IL17RC: variants seen among roughly 807,000 people sequenced by gnomAD.
IL17RC encodes interleukin-17 receptor C.
A neutral mutation model predicts 86.7 loss-of-function variants in IL17RC; 53 were observed. The ratio of observed to expected loss-of-function variants is 0.61; its 90% CI spans 0.49 to 0.77. The LOEUF (loss-of-function observed/expected upper bound fraction) is 0.77, where lower values mean the gene tolerates loss of function less well. Ranked by LOEUF, IL17RC falls within the 30% of genes least tolerant of loss-of-function variation. IL17RC has a pLI of 0.00. For missense variants in IL17RC, 957 were observed against 940.0 expected (o/e 1.02, Z -0.24); for synonymous variants, 439 against 413.1 (o/e 1.06, Z -0.76).
rs2125320333 is a variant in IL17RC at position 9,933,353 on chromosome 3, C to G, written c.1923C>G (p.Asp641Glu). Residue 641 changes from aspartate to glutamate, a missense_variant, in exon 19 of 19, where the codon GAC becomes GAG. By Grantham distance (45) the Asp-to-Glu change is conservative. Coordinates refer to ENST00000403601, the MANE Select transcript of IL17RC (RefSeq NM_153460.4). ...GCTTCGACAGGCTGCTCCACCCGGA[C>G]GCCGTACCCGCCCTTTTCCGCACCG... is the stretch of plus-strand genomic sequence containing the variant. ...GACFDRLLHPDAVPALFRTVP... is the reference protein window; with the variant it reads ...GACFDRLLHPEAVPALFRTVP... 2 of 1,611,276 alleles carry G rather than the reference C, an allele frequency of 1.2e-6. No homozygotes were observed. The highest frequency in any genetic ancestry group is 4.5e-5 in the East Asian group (2 of 44,786).
At position 9,928,429 on chromosome 3, in the gene IL17RC, T is replaced by C. The variant is rs747646937; in HGVS notation, c.1002T>C (p.Gly334=). The C allele has an allele frequency of 8.7e-6, 14 of 1,605,050 alleles. No individual in the cohort carries two copies. The highest frequency in any genetic ancestry group is 1.2e-5 in the Non-Finnish European group (14 of 1,178,564). ...AEAALCWRAP[G]GDPCQPLVPP... ...CGGCACTGTGCTGGCGGGCTCCGGGTGGGGACCCCTGCCAGCCACTGGTCC... is the reference window on the plus strand; with the variant it reads ...CGGCACTGTGCTGGCGGGCTCCGGGCGGGGACCCCTGCCAGCCACTGGTCC... Residue 334 remains glycine, a synonymous_variant, in exon 11 of 19, where the codon GGT becomes GGC. Coordinates refer to ENST00000403601, the MANE Select transcript of IL17RC (RefSeq NM_153460.4).
In IL17RC at chr3:9,918,020, GA is replaced by G. The variant is rs2083248205; in HGVS notation, c.227del (p.Lys76ArgfsTer92). 1.2e-6 allele frequency: 2 copies of G among 1,612,132 alleles called. No individual in the cohort carries two copies. The highest frequency in any genetic ancestry group is 1.7e-6 in the Non-Finnish European group (2 of 1,179,068). On this transcript the variant is annotated frameshift_variant, in exon 3 of 19. Transcript: ENST00000403601. LOFTEE classifies it high-confidence loss of function. ...AGACAGAGCTGGTGCTGAGGTGCCA[GA>G]AGGAGACCGACTGTGACCTCTGTCT... The part of the protein sequence containing the change: ...LQTELVLRCQ[K>X]ETDCDLCLRV...
At chr3:9,918,271 C>G in intron 3 of IL17RC, 64 bp from the exon 4 acceptor site, 3 of 1,471,204 alleles carry the variant, frequency 2.0e-6, no homozygotes, top group Non-Finnish European at 2.8e-6. Flanking sequence ...AGGAAGCCAA[C>G]GCCAAAGCCA....
chr3:9,928,059 CAAGT>C, intron 9 of IL17RC, 103 bp from the exon 10 acceptor site: 1 of 1,046,684 alleles, frequency 9.6e-7, no homozygotes, highest in Non-Finnish European at 1.5e-6. Context: ...GAAGACCCAG[CAAGT>C]GTTTGTGAAA....
chr3:9,924,186 C>T, intron 8 of IL17RC, 46 bp from the exon 9 acceptor site: 1 of 1,612,812 alleles, frequency 6.2e-7, no homozygotes, highest in Non-Finnish European at 8.5e-7. Flanking sequence ...GCCTCCTCCT[C>T]TTCCTCCTTA....
At chr3:9,925,053 T>C (rs1218256806) in intron 9 of IL17RC, among the ~76,000 whole-genome samples, 5 of 151,212 alleles carry the variant, frequency 3.3e-5, no homozygotes, top group Non-Finnish European at 7.4e-5. Flanking sequence ...TCCTCCCACC[T>C]CAGCCTCCCA....
rs1271174008 is a variant in IL17RC, at chr3:9,926,053, T to A, written c.822+1762T>A. Among the ~76,000 whole-genome samples the A allele has an allele frequency of 4.5e-5, 4 of 88,190 alleles. No homozygotes were observed. The South Asian group carries it at 1.1e-3, about 24-fold the overall frequency. The allele number at this position is 88,190 out of a possible 152,430, so 57.9% of individuals were successfully genotyped here. Reference sequence around the variant, plus strand: ...TTCCTTTTTTTTTTTTTTTTTTTTTTAATGGAGTTTCACTCTTTTGCCCAG... The same window carrying A: ...TTCCTTTTTTTTTTTTTTTTTTTTTAAATGGAGTTTCACTCTTTTGCCCAG... On this transcript the variant is annotated intron_variant, in intron 9 of 18. Coordinates refer to ENST00000403601, the MANE Select transcript of IL17RC (RefSeq NM_153460.4).
Position 9,931,815 on chromosome 3 carries a change from T to C in IL17RC, c.1388-793T>C, listed in dbSNP as rs1457073437. 2.6e-5 allele frequency among the ~76,000 whole-genome samples: 4 copies of C among 151,378 alleles called. No individual in the cohort carries two copies. The East Asian group carries it at 7.8e-4, about 29-fold the overall frequency. On this transcript the variant is annotated intron_variant, in intron 16 of 18. Transcript: ENST00000403601. The stretch of plus-strand genomic sequence containing the variant: ...TCACCGCACCTGGCCCAAATTTATA[T>C]TTTTAAAAGATCTCTGAGGCTGTCA...
chr3:9,930,268 A>G lies in IL17RC; in HGVS notation c.1278+119A>G. The G allele has an allele frequency of 1.3e-6, 2 of 1,534,916 alleles. No homozygotes were observed. Among genetic ancestry groups the G allele is most frequent in the East Asian group, 2.3e-5 (1 of 44,288 alleles). ...GGGAACATGGGGGGTGACTCAGACC[A>G]GGGCCATATTCAGCGGCATCACCAA... On this transcript the variant is annotated intron_variant, in intron 14 of 18. Coordinates refer to ENST00000403601, the MANE Select transcript of IL17RC (RefSeq NM_153460.4). This position sits in a 1 kb window ranked among gnomAD's most constrained non-coding sequence, Gnocchi z 5.8.
chr3:9,932,718 G>GC lies in IL17RC; in HGVS notation c.1483+16dup. 1 of 1,613,928 alleles carries GC rather than the reference G, an allele frequency of 6.2e-7. No individual in the cohort carries two copies. Among genetic ancestry groups the GC allele is most frequent in the South Asian group, 1.1e-5 (1 of 91,078 alleles). On this transcript the variant is annotated intron_variant, in intron 17 of 18. Transcript: ENST00000403601. The stretch of plus-strand genomic sequence containing the variant: ...TCACGCGAAAGGTGAGCGCTTCCCG[G>GC]CTCCCCATTCCCCTGGGGGAGGACC...
At position 9,933,397 on chromosome 3, in the gene IL17RC, C is replaced by A. The variant is rs1322652863; in HGVS notation, c.1967C>A (p.Pro656His). ...CGCACCGTGCCCGTCTTCACACTGCCCTCCCAACTGCCAGACTTCCTGGGG... is the reference window on the plus strand; with the variant it reads ...CGCACCGTGCCCGTCTTCACACTGCACTCCCAACTGCCAGACTTCCTGGGG... Reference protein sequence around the residue: ...LFRTVPVFTLPSQLPDFLGAL... With the variant: ...LFRTVPVFTLHSQLPDFLGAL... Residue 656 changes from proline (P) to histidine (H), a missense_variant, in exon 19 of 19, where the codon CCC (proline) becomes CAC (histidine). Pro to His is a moderately conservative substitution (Grantham distance 77). Transcript: ENST00000403601. The A allele has an allele frequency of 6.2e-7, 1 of 1,613,266 alleles. No homozygotes were observed. The highest frequency in any genetic ancestry group is 1.7e-5 in the Admixed American group (1 of 59,994).
intron 7 of IL17RC, among the ~76,000 whole-genome samples, chr3:9,922,350 A>C (rs1365525026): frequency 6.6e-6 from 1 of 152,228 alleles, no homozygotes; most frequent in Non-Finnish European, 1.5e-5. Flanking sequence ...CTGAACTACT[A>C]AATGTTTTCA....
chr3:9,923,774 C>T (rs116560148), intron 7 of IL17RC, 107 bp from the exon 8 acceptor site: 44,594 of 1,280,940 alleles, frequency 0.035, 948 homozygotes, highest in South Asian at 0.065. Flanking sequence ...CTCTGCCCTC[C>T]GAGAGCCTCC....
At chr3:9,931,453 T>TCACACACACACACA (rs201407577) in intron 16 of IL17RC, among the ~76,000 whole-genome samples, 66 of 44,910 alleles carry the variant, frequency 1.5e-3, no homozygotes, top group African/African-American at 3.4e-3. Context: ...TTTATATATT[T>TCACACACACACACA]CACACACACA....
chr3:9,923,463 G>A (rs1173595328), intron 7 of IL17RC, among the ~76,000 whole-genome samples: 1 of 151,558 alleles, frequency 6.6e-6, no homozygotes, highest in Non-Finnish European at 1.5e-5. Flanking sequence ...TGAGGCAAGA[G>A]AATCGCTTGA....
At chr3:9,931,785 G>A (rs886130193) in intron 16 of IL17RC, among the ~76,000 whole-genome samples, 2 of 150,896 alleles carry the variant, frequency 1.3e-5, no homozygotes, top group Non-Finnish European at 2.9e-5. Flanking sequence ...GATTATAGTC[G>A]TGAGTCACCG....
intron 1 of IL17RC, 104 bp downstream of exon 1, chr3:9,917,524 CCCTGT>C: frequency 6.2e-7 from 1 of 1,613,070 alleles, no homozygotes; most frequent in East Asian, 2.2e-5. Context: ...GCCAGAACTG[CCCTGT>C]CTGGTCTGTC....
In IL17RC at chr3:9,917,291, C is replaced by T. The variant is rs1302674725; in HGVS notation, c.-25C>T. 5.0e-6 allele frequency: 8 copies of T among 1,602,294 alleles called. No homozygotes were observed. The highest frequency in any genetic ancestry group is 6.8e-6 in the Non-Finnish European group (8 of 1,172,908). ...GGGGGGGCAGCACAGGGCCTCAGGC[C>T]TGGGTGCCACCTGGCACCTAGAAGA... On this transcript the variant is annotated 5_prime_UTR_variant, in exon 1 of 19. Coordinates refer to ENST00000403601, the MANE Select transcript of IL17RC (RefSeq NM_153460.4).
At position 9,933,534 on chromosome 3, in the gene IL17RC, C is replaced by A. The variant is rs769676573; in HGVS notation, c.2104C>A (p.Pro702Thr). ...TAGCTACTTCCATCCCCCGGGGACT[C>A]CCGCGCCGGGACGCGGGGTGGGACC... ...LDSYFHPPGT[P>T]APGRGVGPGA... Residue 702 changes from proline to threonine, a missense_variant, in exon 19 of 19, where the codon CCC becomes ACC. By Grantham distance (38) the Pro-to-Thr change is conservative (BLOSUM62 -1). Transcript: ENST00000403601. 1.2e-6 allele frequency: 2 copies of A among 1,607,290 alleles called. No homozygotes were observed. The highest frequency in any genetic ancestry group is 1.7e-6 in the Non-Finnish European group (2 of 1,177,346).
Sources: gnomAD v4.1 joint callset for allele counts (sites outside exome capture counted in the v4.1 genomes callset) on GRCh38, gnomAD v4.1.1 for gene constraint, Gnocchi (gnomAD v3.1) non-coding constraint, MANE v1.5 for transcripts, NCBI Gene and HGNC (gene_info 2026-07-23, HGNC 2026-07-21) for gene names.